The following PRLR variants were observed in gnomAD, a reference collection of about 807,000 sequenced individuals.
PRLR encodes hPRL receptor.
Under a neutral mutation model 40.2 loss-of-function variants are expected in PRLR, and 13 were observed. That is an observed-to-expected ratio of 0.32 (90% CI 0.21 to 0.51). The LOEUF is 0.51. Among genes scored for constraint, PRLR ranks in the 20% least tolerant of loss-of-function variants. PRLR has a pLI of 0.97. For synonymous variants in PRLR, 269 were observed against 278.7 expected (o/e 0.97, Z 0.35); for missense variants, 656 against 747.3 (o/e 0.88, Z 1.42).
intron 1 of PRLR, among the ~76,000 whole-genome samples, chr5:35,154,003 C>T (rs1452896193): frequency 6.6e-6 from 1 of 152,142 alleles, no homozygotes; most frequent in Non-Finnish European, 1.5e-5. Context: ...ATAGATGATT[C>T]CTTTAATTGG....
intron 5 of PRLR, among the ~76,000 whole-genome samples, chr5:35,074,377 A>T (rs1014268275): frequency 2.6e-5 from 4 of 151,778 alleles, no homozygotes; most frequent in African/African-American, 9.7e-5. Flanking sequence ...CAGGAGAATC[A>T]CTGGAATCTG....
chr5:35,149,560 G>A (rs1422228626), intron 1 of PRLR, among the ~76,000 whole-genome samples: 3 of 152,056 alleles, frequency 2.0e-5, no homozygotes, highest in Non-Finnish European at 4.4e-5. Context: ...GCCATTTTAA[G>A]GTGCACTTCA....
chr5:35,077,413 G>C (rs891443751), intron 5 of PRLR, among the ~76,000 whole-genome samples: 1 of 152,190 alleles, frequency 6.6e-6, no homozygotes, highest in African/African-American at 2.4e-5. Flanking sequence ...CCTACTCTCT[G>C]AGGAAACAGA....
chr5:35,195,905 G>A (rs1326031411), intron 1 of PRLR, among the ~76,000 whole-genome samples: 1 of 152,052 alleles, frequency 6.6e-6, no homozygotes, highest in Non-Finnish European at 1.5e-5. Flanking sequence ...GGAGTAGAAG[G>A]GACAGAGAGA....
chr5:35,133,930 A>G (rs115336170), intron 1 of PRLR, among the ~76,000 whole-genome samples: 2,158 of 152,310 alleles, frequency 0.014, 67 homozygotes, highest in African/African-American at 0.05. Context: ...AAAATGAACA[A>G]CAAATGGAAA....
chr5:35,200,076 C>T (rs1344915746), intron 1 of PRLR, among the ~76,000 whole-genome samples: 1 of 152,168 alleles, frequency 6.6e-6, no homozygotes, highest in Admixed American at 6.5e-5. Context: ...TGGACAAAGC[C>T]GCACATTGTA....
intron 1 of PRLR, among the ~76,000 whole-genome samples, chr5:35,161,418 C>T (rs900451763): frequency 6.6e-6 from 1 of 152,180 alleles, no homozygotes; most frequent in Non-Finnish European, 1.5e-5. Context: ...AAGATTAATA[C>T]TAGGAAAGAG....
At chr5:35,144,992 CA>C (rs1774140954) in intron 1 of PRLR, among the ~76,000 whole-genome samples, 2 of 152,104 alleles carry the variant, frequency 1.3e-5, no homozygotes, top group Admixed American at 1.3e-4. Flanking sequence ...TATTATTTAC[CA>C]GGGTGGTGAG....
chr5:35,200,282 T>C lies in PRLR; in HGVS notation c.-106+29986A>G, dbSNP rs113922846. 1.1e-3 allele frequency among the ~76,000 whole-genome samples: 167 copies of C among 152,364 alleles called. 1 individual carries two copies. The highest frequency in any genetic ancestry group is 3.6e-3 in the African/African-American group (148 of 41,592). On this transcript the variant is annotated intron_variant, in intron 1 of 9. Transcript: ENST00000618457. Reference sequence around the variant, plus strand: ...GCAGCTCTCCTGATAATCATGACTTTGGACACAAAAGCAAACCAATTCTAT... The same window carrying C: ...GCAGCTCTCCTGATAATCATGACTTCGGACACAAAAGCAAACCAATTCTAT...
At chr5:35,178,763 G>GA (rs1579769461) in intron 1 of PRLR, among the ~76,000 whole-genome samples, 1 of 151,984 alleles carries the variant, frequency 6.6e-6, no homozygotes, top group Non-Finnish European at 1.5e-5. Flanking sequence ...TTATATTTAT[G>GA]AAAAAAGTCA....
intron 1 of PRLR, among the ~76,000 whole-genome samples, chr5:35,189,941 TG>T (rs970753199): frequency 9.9e-5 from 15 of 152,268 alleles, no homozygotes; most frequent in African/African-American, 3.6e-4. Flanking sequence ...GTAGACATCC[TG>T]CTTCCCAGTC....
rs934598337 is a variant in PRLR, at chr5:35,056,341, CA to C, written c.*8747del. ...TTCGAGGGACTTTCAAAGGTGAAGC[CA>C]GCAGGAATTACTCTGCATATTCTGG... is the stretch of plus-strand genomic sequence containing the variant. On this transcript the variant is annotated 3_prime_UTR_variant, in exon 10 of 10. Coordinates refer to ENST00000618457, the MANE Select transcript of PRLR (RefSeq NM_000949.7). 4.6e-5 allele frequency: 7 copies of C among 152,142 alleles called. No individual in the cohort carries two copies. The highest frequency in any genetic ancestry group is 1.7e-4 in the African/African-American group (7 of 41,418). 9.4% of individuals were successfully genotyped at this position (152,142 alleles called of 1,614,324 possible). A position where few individuals can be genotyped will look rare whatever the true frequency, so the allele number is the denominator to read the frequency against.
chr5:35,084,501 C>G lies in PRLR; in HGVS notation c.342G>C (p.Ser114=). Residue 114 remains serine, a synonymous_variant, in exon 5 of 10, where the codon TCG becomes TCC. Transcript: ENST00000618457. The stretch of plus-strand genomic sequence containing the variant: ...AAGTCACGTCCACATAAAGTTCATC[C>G]GAGAAACTGCTTCCCATCTGGTTAG... ...NATNQMGSSF[S]DELYVDVTYI... The G allele has an allele frequency of 6.3e-7, 1 of 1,577,422 alleles. No individual in the cohort carries two copies. Among genetic ancestry groups the G allele is most frequent in the Non-Finnish European group, 8.6e-7 (1 of 1,168,418 alleles).
chr5:35,098,771 G>A (rs1771686239), intron 2 of PRLR, among the ~76,000 whole-genome samples: 1 of 152,114 alleles, frequency 6.6e-6, no homozygotes, highest in Non-Finnish European at 1.5e-5. Context: ...TGTCTCAGGG[G>A]GAAGGGAACA....
intron 1 of PRLR, chr5:35,195,237 AG>A (rs1165281725): frequency 6.6e-6 from 1 of 152,230 alleles, no homozygotes; most frequent in African/African-American, 2.4e-5. Flanking sequence ...GTTCACTCCA[AG>A]GACTGGTCTG....
At chr5:35,109,682 C>G (rs182002795) in intron 2 of PRLR, among the ~76,000 whole-genome samples, 117 of 152,182 alleles carry the variant, frequency 7.7e-4, no homozygotes, top group African/African-American at 2.5e-3. Flanking sequence ...ATCTCACACC[C>G]GTTAGAATGG....
chr5:35,054,212 C>T (rs1182810742), downstream of PRLR, among the ~76,000 whole-genome samples: 2 of 152,198 alleles, frequency 1.3e-5, no homozygotes, highest in African/African-American at 4.8e-5. Flanking sequence ...GGCAAGGGTA[C>T]ACATCAGTAA....
At chr5:35,099,542 T>C (rs1281271852) in intron 2 of PRLR, among the ~76,000 whole-genome samples, 2 of 152,196 alleles carry the variant, frequency 1.3e-5, no homozygotes, top group Non-Finnish European at 2.9e-5. Context: ...TTCTACTTAT[T>C]AAAAAAAGTT....
chr5:35,137,643 A>G (rs1773899441), intron 1 of PRLR, among the ~76,000 whole-genome samples: 2 of 152,236 alleles, frequency 1.3e-5, no homozygotes, highest in African/African-American at 2.4e-5. Context: ...TTATTCTCTG[A>G]TGTCAAAGAA....
Sources: gnomAD v4.1 joint callset for allele counts (sites outside exome capture counted in the v4.1 genomes callset) on GRCh38, gnomAD v4.1.1 for gene constraint, MANE v1.5 for transcripts, NCBI Gene and HGNC (gene_info 2026-07-23, HGNC 2026-07-21) for gene names.